Variants in ZNF682 observed in about 807,000 individuals in gnomAD.
ZNF682 encodes zinc finger protein 682.
In ZNF682, 29 loss-of-function variants were observed where a neutral mutation model predicts 36.5. That is an observed-to-expected ratio of 0.80 (90% confidence interval 0.59 to 1.08). ZNF682 has a LOEUF of 1.08. ZNF682 is among the 50% of genes least tolerant of loss of function. The pLI is 0.00. For synonymous variants in ZNF682, 180 were observed against 197.0 expected (o/e 0.91, Z 0.72); for missense variants, 561 against 579.7 (o/e 0.97, Z 0.33).
chr19:20,019,817 T>TA (rs2088368258), intron 3 of ZNF682, among the ~76,000 whole-genome samples: 1 of 152,118 alleles, frequency 6.6e-6, no homozygotes, highest in Non-Finnish European at 1.5e-5. Flanking sequence ...AAGAGACACT[T>TA]ATATTTTTTG....
Position 20,039,399 on chromosome 19 carries a change from C to A in ZNF682, c.-54G>T. 2 of 1,607,636 alleles carry A rather than the reference C, an allele frequency of 1.2e-6. No individual in the cohort carries two copies. Among genetic ancestry groups the A allele is most frequent in the South Asian group, 2.2e-5 (2 of 90,958 alleles). Reference sequence around the variant, plus strand: ...TTAGCTCTGGATCTCACAGCATCTGCAAGTCAGAGGGCAACAGAGGCTGCG... The same window carrying A: ...TTAGCTCTGGATCTCACAGCATCTGAAAGTCAGAGGGCAACAGAGGCTGCG... On this transcript the variant is annotated 5_prime_UTR_variant, in exon 1 of 4. Transcript: ENST00000397165.
chr19:20,003,597 G>A (rs1057269499), downstream of ZNF682, among the ~76,000 whole-genome samples: 1 of 151,472 alleles, frequency 6.6e-6, no homozygotes, highest in Non-Finnish European at 1.5e-5. Context: ...CCCAGCTACT[G>A]GGGAGGCTGA....
At chr19:19,996,594 C>T (rs370719474), downstream of ZNF682, among the ~76,000 whole-genome samples, 34 of 152,296 alleles carry the variant, frequency 2.2e-4, no homozygotes, top group East Asian at 2.1e-3. Flanking sequence ...ATAAACCAAA[C>T]ATCATGTATT....
intron 3 of ZNF682, among the ~76,000 whole-genome samples, chr19:19,998,818 A>G (rs2088144259): frequency 6.6e-6 from 1 of 152,168 alleles, no homozygotes; most frequent in Admixed American, 6.5e-5. Flanking sequence ...TTTGAGGAAT[A>G]CAGTACAGAA....
At chr19:20,017,499 C>T (rs983268259) in intron 3 of ZNF682, among the ~76,000 whole-genome samples, 1 of 151,972 alleles carries the variant, frequency 6.6e-6, no homozygotes, top group Middle Eastern at 3.2e-3. Flanking sequence ...ATCCATTTAC[C>T]GGGAATCTAT....
chr19:20,036,441 C>T (rs926401678), intron 1 of ZNF682, among the ~76,000 whole-genome samples: 6 of 151,720 alleles, frequency 4.0e-5, no homozygotes, highest in Middle Eastern at 3.4e-3. Flanking sequence ...CCTGTCTCTA[C>T]TAAAAATACA....
rs1166197776 is a variant in ZNF682 at position 20,006,768 on chromosome 19, G to T, written c.734C>A (p.Thr245Asn). The change falls in exon 4 of 4, where the codon ACT becomes AAT. Residue 245 changes from threonine (T) to asparagine (N), a missense_variant. Thr to Asn is a moderately conservative substitution (Grantham distance 65). Coordinates refer to ENST00000397165, the MANE Select transcript of ZNF682 (RefSeq NM_033196.3). ...ACCAGTATGGATTCTCTTATGTTTAGTAAGACTCGAGCACCAGTTAAAAGC... is the reference window on the plus strand; with the variant it reads ...ACCAGTATGGATTCTCTTATGTTTATTAAGACTCGAGCACCAGTTAAAAGC... ...GKAFNWCSSL[T>N]KHKRIHTGEK... The T allele has an allele frequency of 6.8e-6, 11 of 1,613,782 alleles. No individual in the cohort carries two copies. In the South Asian group the frequency reaches 9.9e-5, roughly 15 times the overall value.
downstream of ZNF682, among the ~76,000 whole-genome samples, chr19:20,001,258 T>C (rs2088166717): frequency 6.6e-6 from 1 of 152,338 alleles, no homozygotes; most frequent in South Asian, 2.1e-4. Flanking sequence ...TCCTGTGGCA[T>C]GCAGCTTCAG....
At position 20,004,549 on chromosome 19, in the gene ZNF682, CTA is replaced by C. The variant is rs1031068804; in HGVS notation, c.*1454_*1455del. 7.2e-5 allele frequency: 11 copies of C among 152,192 alleles called. No homozygotes were observed. Among genetic ancestry groups the C allele is most frequent in the African/African-American group, 2.7e-4 (11 of 41,458 alleles). The allele number at this position is 152,192 out of a possible 1,614,324, so 9.4% of individuals were successfully genotyped here. A position where few individuals can be genotyped will look rare whatever the true frequency, so the allele number is the denominator to read the frequency against. ...ACTAAAATTTGAATAATGCACAAGA[CTA>C]TTACTCTGAACATCTATCTCATGCA... On this transcript the variant is annotated 3_prime_UTR_variant, in exon 4 of 4. Transcript: ENST00000397165.
At chr19:19,999,539 C>CA (rs2088151052), downstream of ZNF682, among the ~76,000 whole-genome samples, 1 of 146,598 alleles carries the variant, frequency 6.8e-6, no homozygotes. Context: ...TCTTTTCTTT[C>CA]TTTTTTTTTT....
intron 1 of ZNF682, among the ~76,000 whole-genome samples, chr19:20,038,533 G>A (rs1370138773): frequency 1.3e-5 from 2 of 150,374 alleles, no homozygotes; most frequent in Non-Finnish European, 2.9e-5. Context: ...GAAAATCCAA[G>A]AGAAAACCAC....
chr19:20,009,415 A>C (rs1341923677), intron 3 of ZNF682, among the ~76,000 whole-genome samples: 2 of 152,204 alleles, frequency 1.3e-5, no homozygotes, highest in African/African-American at 4.8e-5. Context: ...AGTATTCCTG[A>C]GAGAGAAGGA....
At chr19:20,026,584 G>A (rs2088433573) in intron 1 of ZNF682, among the ~76,000 whole-genome samples, 1 of 152,104 alleles carries the variant, frequency 6.6e-6, no homozygotes, top group African/African-American at 2.4e-5. Flanking sequence ...TTCTGCCTCA[G>A]CCTTCCAAGT....
Position 20,004,956 on chromosome 19 carries a change from T to A in ZNF682, c.*1049A>T, listed in dbSNP as rs1181351331. On this transcript the variant is annotated 3_prime_UTR_variant, in exon 4 of 4. Transcript: ENST00000397165. ...TTATAATCAATGCCCTGATTTAGAA[T>A]AACATTGAAAGTGTTAGCGTCTTAG... 6.6e-6 allele frequency: 1 copy of A among 152,262 alleles called. No homozygotes were observed. The highest frequency in any genetic ancestry group is 6.5e-5 in the Admixed American group (1 of 15,286). 9.4% of individuals were successfully genotyped at this position (152,262 alleles called of 1,614,324 possible). A position where few individuals can be genotyped will look rare whatever the true frequency, so the allele number is the denominator to read the frequency against.
chr19:20,015,741 T>G, intron 3 of ZNF682: 1 of 397,246 alleles, frequency 2.5e-6, no homozygotes, highest in East Asian at 3.6e-5. Context: ...TAAAAAGCTT[T>G]GAGAAAATAA....
At chr19:20,019,649 C>A (rs2088366963) in intron 3 of ZNF682, among the ~76,000 whole-genome samples, 1 of 151,928 alleles carries the variant, frequency 6.6e-6, no homozygotes, top group Non-Finnish European at 1.5e-5. Flanking sequence ...ATAATAAGAA[C>A]AAAACTGAAA....
At chr19:19,997,200 G>A in exon 4 of ZNF682, 1 of 398,830 alleles carries the variant, frequency 2.5e-6, no homozygotes, top group Non-Finnish European at 4.4e-6. Flanking sequence ...CATCAGCTGG[G>A]GTCATCTCCA....
chr19:20,015,180 A>G, intron 3 of ZNF682: 1 of 984,938 alleles, frequency 1.0e-6, no homozygotes, highest in South Asian at 4.7e-5. Context: ...ATTACCTTCA[A>G]ATCACAAGTG....
chr19:20,020,062 AAG>A (rs3067684), intron 3 of ZNF682, among the ~76,000 whole-genome samples: 112,150 of 137,828 alleles, frequency 0.81, 45,473 homozygotes, highest in Middle Eastern at 0.89. Context: ...AAAAAAAAAA[AAG>A]AAAGAAATTT....
Sources: gnomAD v4.1 joint callset for allele counts (sites outside exome capture counted in the v4.1 genomes callset) on GRCh38, gnomAD v4.1.1 for gene constraint, MANE v1.5 for transcripts, NCBI Gene and HGNC (gene_info 2026-07-23, HGNC 2026-07-21) for gene names.